The following PEAK1 variants were observed in gnomAD, a reference collection of about 807,000 sequenced individuals.
PEAK1 encodes pseudopodium enriched atypical kinase 1.
In PEAK1, 54 loss-of-function variants were observed where a neutral mutation model predicts 124.7. That is an observed-to-expected ratio of 0.43 (90% CI 0.35 to 0.54). The LOEUF is 0.54. Among genes scored for constraint, PEAK1 ranks in the 20% least tolerant of loss-of-function variants. PEAK1 has a pLI of 0.01. For synonymous variants in PEAK1, 719 were observed against 760.0 expected (o/e 0.95, Z 0.89); for missense variants, 2,046 against 2,134.5 (o/e 0.96, Z 0.82).
chr15:77,102,987 G>A (rs1325220143), exon 7 of PEAK1: 1 of 152,092 alleles, frequency 6.6e-6, no homozygotes, highest in East Asian at 1.9e-4. Context: ...ATACTTCTCA[G>A]TAGTTTCTCA....
At chr15:77,120,368 T>G (rs907617067) in intron 9 of PEAK1, among the ~76,000 whole-genome samples, 3 of 152,168 alleles carry the variant, frequency 2.0e-5, no homozygotes, top group African/African-American at 7.2e-5. Flanking sequence ...ACCCATAGAT[T>G]ACTTAAACTC....
chr15:77,299,245 G>A (rs147186279), intron 2 of PEAK1, among the ~76,000 whole-genome samples: 1 of 152,264 alleles, frequency 6.6e-6, no homozygotes, highest in East Asian at 1.9e-4. Flanking sequence ...CTTAATGAAT[G>A]TCTCCTCTTA....
intron 8 of PEAK1, among the ~76,000 whole-genome samples, chr15:77,153,501 T>C (rs1478732375): frequency 6.6e-6 from 1 of 152,182 alleles, no homozygotes; most frequent in East Asian, 1.9e-4. Context: ...CTGCTCTGAT[T>C]TTAGTTATTT....
intron 2 of PEAK1, among the ~76,000 whole-genome samples, chr15:77,326,650 T>G (rs1165320618): frequency 6.6e-6 from 1 of 152,110 alleles, no homozygotes; most frequent in Non-Finnish European, 1.5e-5. Context: ...AGCTCTTAGA[T>G]CCAATATCCT....
chr15:77,384,190 CA>C (rs35915780), intron 1 of PEAK1, among the ~76,000 whole-genome samples: 127 of 138,246 alleles, frequency 9.2e-4, no homozygotes, highest in African/African-American at 1.2e-3. Flanking sequence ...AAATTTAGTG[CA>C]AAAAAAAAAA....
At chr15:77,276,105 G>A (rs1335132442) in intron 5 of PEAK1, among the ~76,000 whole-genome samples, 2 of 152,062 alleles carry the variant, frequency 1.3e-5, no homozygotes, top group East Asian at 1.9e-4. Context: ...TTGGTGACTC[G>A]TGAAACTATA....
chr15:77,419,364 G>C (rs1293546912), intron 1 of PEAK1: 3 of 985,210 alleles, frequency 3.0e-6, no homozygotes, highest in East Asian at 1.1e-4. Flanking sequence ...AAGAAAAGTT[G>C]CAAGAACGGA....
chr15:77,301,525 T>C (rs2063785429), intron 2 of PEAK1, among the ~76,000 whole-genome samples: 1 of 152,230 alleles, frequency 6.6e-6, no homozygotes, highest in Non-Finnish European at 1.5e-5. Context: ...TGAGGATTAC[T>C]GGTCATATGT....
At chr15:77,355,489 T>C (rs1041613888) in intron 2 of PEAK1, among the ~76,000 whole-genome samples, 2 of 152,158 alleles carry the variant, frequency 1.3e-5, no homozygotes, top group African/African-American at 2.4e-5. Flanking sequence ...AGAGACCCTT[T>C]TATAATTGCG....
At chr15:77,236,351 T>C (rs1414486608) in intron 6 of PEAK1, among the ~76,000 whole-genome samples, 1 of 152,206 alleles carries the variant, frequency 6.6e-6, no homozygotes, top group Non-Finnish European at 1.5e-5. Flanking sequence ...GACCTGAATG[T>C]GAGACGTGGA....
At chr15:77,176,566 T>C (rs2056891155) in intron 7 of PEAK1, among the ~76,000 whole-genome samples, 1 of 152,234 alleles carries the variant, frequency 6.6e-6, no homozygotes, top group South Asian at 2.1e-4. Flanking sequence ...TTCTGGAACA[T>C]GGTTAAATTT....
At chr15:77,332,311 A>G in intron 2 of PEAK1, 1 of 983,360 alleles carries the variant, frequency 1.0e-6, no homozygotes, top group Non-Finnish European at 1.2e-6. Context: ...TTGTTGAAAA[A>G]TTTTTTGGCC....
exon 7 of PEAK1, chr15:77,102,295 A>C (rs1320788453): frequency 6.6e-6 from 1 of 152,214 alleles, no homozygotes; most frequent in Non-Finnish European, 1.5e-5. Flanking sequence ...TTTATAACTC[A>C]GAATTTTAAT....
chr15:77,161,965 C>CAAAAA (rs33972250), intron 7 of PEAK1, among the ~76,000 whole-genome samples: 3 of 84,468 alleles, frequency 3.6e-5, no homozygotes, highest in Non-Finnish European at 2.1e-5. Flanking sequence ...GACTCTGTCT[C>CAAAAA]AAAAAAAAAA....
intron 6 of PEAK1, among the ~76,000 whole-genome samples, chr15:77,249,376 C>A (rs1219385758): frequency 2.0e-5 from 3 of 152,140 alleles, no homozygotes; most frequent in Non-Finnish European, 4.4e-5. Flanking sequence ...TCAATCTTAG[C>A]ATTACATAGC....
At chr15:77,121,061 A>C (rs1355172962) in intron 9 of PEAK1, among the ~76,000 whole-genome samples, 3 of 152,092 alleles carry the variant, frequency 2.0e-5, no homozygotes, top group Non-Finnish European at 4.4e-5. Flanking sequence ...ATCTTTAAAA[A>C]ATTTTTGTTT....
intron 2 of PEAK1, among the ~76,000 whole-genome samples, chr15:77,329,881 T>C (rs527388161): frequency 6.6e-6 from 1 of 152,182 alleles, no homozygotes; most frequent in African/African-American, 2.4e-5. Flanking sequence ...TCCTCTGTAG[T>C]GGGGGAAAAA....
intron 1 of PEAK1, among the ~76,000 whole-genome samples, chr15:77,383,132 T>C (rs1052786038): frequency 5.3e-5 from 8 of 151,244 alleles, no homozygotes; most frequent in Admixed American, 3.3e-4. Context: ...CAAGCAAGTC[T>C]CCTTTCTCAG....
chr15:77,114,753 G>A lies in PEAK1; in HGVS notation c.4644C>T (p.Pro1548=). ...AGAAGTTGCTCACTATAAGCCTAGTGGGATAAGATGAGGTGGGGCTGGGCT... is the reference window on the plus strand; with the variant it reads ...AGAAGTTGCTCACTATAAGCCTAGTAGGATAAGATGAGGTGGGGCTGGGCT... ...PAEPSPTSSY[P]TRLIVSNFSQ... is the part of the protein sequence containing the mutation. The change falls in exon 10 of 10, where the codon CCC becomes CCT. Residue 1548 remains proline, a synonymous_variant. Transcript: ENST00000682557. 1 of 1,613,266 alleles carries A rather than the reference G, an allele frequency of 6.2e-7. No individual in the cohort carries two copies. Among genetic ancestry groups the A allele is most frequent in the Non-Finnish European group, 8.5e-7 (1 of 1,179,918 alleles).
Sources: gnomAD v4.1 joint callset for allele counts (sites outside exome capture counted in the v4.1 genomes callset) on GRCh38, gnomAD v4.1.1 for gene constraint, MANE v1.5 for transcripts, NCBI Gene and HGNC (gene_info 2026-07-23, HGNC 2026-07-21) for gene names.